The following RPL13 variants were observed in gnomAD, a reference collection of about 807,000 sequenced individuals.
RPL13 encodes large ribosomal subunit protein eL13.
Under a neutral mutation model 21.4 loss-of-function variants are expected in RPL13, and 1 was observed. That is an observed-to-expected ratio of 0.05 (90% CI 0.02 to 0.22). The LOEUF is 0.22. Among genes scored for constraint, RPL13 ranks in the 10% least tolerant of loss-of-function variants. The probability of loss-of-function intolerance (pLI) is 1.00; values close to 1 mark genes in which losing one functional copy is unlikely to be tolerated. For synonymous variants in RPL13, 143 were observed against 120.5 expected (o/e 1.19, Z -1.23); for missense variants, 289 against 303.0 (o/e 0.95, Z 0.34).
In RPL13 at chr16:89,561,289, G is replaced by T; in HGVS notation, c.167G>T (p.Arg56Leu). 2 of 1,568,478 alleles carry T rather than the reference G, an allele frequency of 1.3e-6. No homozygotes were observed. The highest frequency in any genetic ancestry group is 1.8e-5 in the Admixed American group (1 of 54,150). Residue 56 changes from arginine to leucine, a missense_variant, in exon 3 of 6, where the codon CGG becomes CTG. Coordinates refer to ENST00000311528, the MANE Select transcript of RPL13 (RefSeq NM_000977.4). The part of the protein sequence containing the change: ...IAPRPASGPI[R>L]PIVRCPTVRY... ...CCGCGCCCCGCGTCGGGTCCCATCCGGCCCATCGTGCGCTGCCCCACGGTT... is the reference window on the plus strand; with the variant it reads ...CCGCGCCCCGCGTCGGGTCCCATCCTGCCCATCGTGCGCTGCCCCACGGTT...
In RPL13 at chr16:89,562,887, T is replaced by C. The variant is rs752927819; in HGVS notation, c.481T>C (p.Tyr161His). The change falls in exon 6 of 6, where the codon TAT (tyrosine) becomes CAT (histidine). Residue 161 changes from tyrosine to histidine, a missense_variant. Physicochemically the swap from Tyr to His is moderately conservative, Grantham distance 83. Transcript: ENST00000311528. ...ACAACCTGTCTTTCTCTTCTAGGTC[T>C]ATAAGAAGGAGAAAGCTCGAGTCAT... ...TGPVMPVRNV[Y>H]KKEKARVITE... 17 of 1,568,176 alleles carry C rather than the reference T, an allele frequency of 1.1e-5. 1 individual carries two copies. Among genetic ancestry groups the C allele is most frequent in the African/African-American group, 4.2e-5 (3 of 72,036 alleles).
chr16:89,565,404 G>A (rs1416175732), downstream of RPL13: 6 of 152,278 alleles, frequency 3.9e-5, no homozygotes, highest in Non-Finnish European at 8.8e-5. Context: ...GGATAGCTGG[G>A]GGGCTGGGCA....
Position 89,561,660 on chromosome 16 carries a change from T to A in RPL13, c.329T>A (p.Leu110Gln), listed in dbSNP as rs147112593. Residue 110 changes from leucine (L) to glutamine (Q), a missense_variant, in exon 4 of 6, where the codon CTG (leucine) becomes CAG (glutamine). By Grantham distance (113) the Leu-to-Gln change is moderately radical (BLOSUM62 -2). Coordinates refer to ENST00000311528, the MANE Select transcript of RPL13 (RefSeq NM_000977.4). Reference sequence around the variant, plus strand: ...AGGCGGAACAAGTCCACGGAGTCCCTGCAGGCCAACGTGCAGCGGCTGAAG... The same window carrying A: ...AGGCGGAACAAGTCCACGGAGTCCCAGCAGGCCAACGTGCAGCGGCTGAAG... ...PRRRNKSTES[L>Q]QANVQRLKEY... The A allele has an allele frequency of 1.5e-5, 25 of 1,613,794 alleles. No homozygotes were observed. The highest frequency in any genetic ancestry group is 2.0e-5 in the Non-Finnish European group (24 of 1,180,032).
At position 89,564,540 on chromosome 16, in the gene RPL13, T is replaced by C; in HGVS notation, c.*1498T>C. On this transcript the variant is annotated 3_prime_UTR_variant, in exon 6 of 6. Coordinates refer to ENST00000311528, the MANE Select transcript of RPL13 (RefSeq NM_000977.4). ...GAAAATACAAAAATTAGCTGAGTGGTGACACACGCCTGTAATCCCAGCTAC... is the reference window on the plus strand; with the variant it reads ...GAAAATACAAAAATTAGCTGAGTGGCGACACACGCCTGTAATCCCAGCTAC... The C allele has an allele frequency of 6.6e-6, 1 of 152,122 alleles. No homozygotes were observed. Among genetic ancestry groups the C allele is most frequent in the East Asian group, 1.9e-4 (1 of 5,182 alleles). 9.4% of individuals were successfully genotyped at this position (152,122 alleles called of 1,614,324 possible).
chr16:89,561,847 G>A, intron 4 of RPL13, 96 bp downstream of exon 4: 1 of 1,362,584 alleles, frequency 7.3e-7, no homozygotes, highest in South Asian at 1.3e-5. Context: ...GCTGGGGTGA[G>A]AAGAACCAAA....
chr16:89,562,320 C>T lies in RPL13; in HGVS notation c.421-15C>T, dbSNP rs779093335. 14 of 1,613,168 alleles carry T rather than the reference C, an allele frequency of 8.7e-6. No homozygotes were observed. In the East Asian group the frequency reaches 1.3e-4, roughly 15 times the overall value. Reference sequence around the variant, plus strand: ...GTGCGGCCAACCCCACTTAACTCTTCTCATTCACCAACAGGCTGAAGAACT... The same window carrying T: ...GTGCGGCCAACCCCACTTAACTCTTTTCATTCACCAACAGGCTGAAGAACT... On this transcript the variant is annotated splice_polypyrimidine_tract_variant and intron_variant, in intron 4 of 5. Transcript: ENST00000311528.
chr16:89,562,029 G>T, intron 4 of RPL13: 1 of 589,050 alleles, frequency 1.7e-6, no homozygotes, highest in Non-Finnish European at 3.0e-6. Flanking sequence ...GACCTTGTAG[G>T]ATAAGGTTGA....
In RPL13 at chr16:89,560,867, G is replaced by T. The variant is rs982012574; in HGVS notation, c.-20-73G>T. 52 of 1,140,166 alleles carry T rather than the reference G, an allele frequency of 4.6e-5. 1 individual carries two copies. Among genetic ancestry groups the T allele is most frequent in the Non-Finnish European group, 3.5e-5 (28 of 806,272 alleles). The allele number at this position is 1,140,166 out of a possible 1,614,324, so 70.6% of individuals were successfully genotyped here. ...GCGGCCGGACGGCCCAGTCTGGAGG[G>T]TTCGGGGCGGAGGCCCGGGGGGGTG... On this transcript the variant is annotated intron_variant, in intron 1 of 5. Coordinates refer to ENST00000311528, the MANE Select transcript of RPL13 (RefSeq NM_000977.4).
chr16:89,560,886 G>C, intron 1 of RPL13, 54 bp from the exon 2 acceptor site: 1 of 1,371,746 alleles, frequency 7.3e-7, no homozygotes, highest in South Asian at 1.3e-5. Flanking sequence ...GGAGGCCCGG[G>C]GGGGTGCGCG....
At chr16:89,562,828 G>A (rs941523281) in intron 5 of RPL13, 56 bp from the exon 6 acceptor site, 14 of 1,469,564 alleles carry the variant, frequency 9.5e-6, no homozygotes, top group African/African-American at 5.8e-5. Flanking sequence ...CTGACGCTTG[G>A]TTGTTCCCTT....
chr16:89,562,111 AC>A (rs2058749452), intron 4 of RPL13: 1 of 602,900 alleles, frequency 1.7e-6, no homozygotes, highest in Admixed American at 3.4e-5. Flanking sequence ...CCCGTGGTTC[AC>A]AGGTAGATAA....
chr16:89,560,861 T>G (rs947923336), intron 1 of RPL13, 79 bp from the exon 2 acceptor site: 2 of 1,055,398 alleles, frequency 1.9e-6, no homozygotes, highest in East Asian at 2.9e-5. Context: ...CGGCCCAGTC[T>G]GGAGGGTTCG....
At chr16:89,566,285 C>T (rs1211639323), downstream of RPL13, 1 of 151,230 alleles carries the variant, frequency 6.6e-6, no homozygotes, top group East Asian at 1.9e-4. Context: ...TAGTCTCCTG[C>T]CCCGGTGATC....
At chr16:89,566,411 T>A (rs2058791709), downstream of RPL13, 1 of 152,168 alleles carries the variant, frequency 6.6e-6, no homozygotes, top group Admixed American at 6.6e-5. Flanking sequence ...TGCACACAAT[T>A]TTCCTCCATG....
chr16:89,561,186 C>T (rs2058741033), intron 2 of RPL13, 41 bp from the exon 3 acceptor site: 26 of 1,520,660 alleles, frequency 1.7e-5, no homozygotes, highest in Non-Finnish European at 2.1e-5. Flanking sequence ...GGCCTGGCGG[C>T]CTTAGGCAAG....
At position 89,562,726 on chromosome 16, in the gene RPL13, C is replaced by A. The variant is rs1254350967; in HGVS notation, c.478-158C>A. On this transcript the variant is annotated intron_variant, in intron 5 of 5. Coordinates refer to ENST00000311528, the MANE Select transcript of RPL13 (RefSeq NM_000977.4). ...AGGGTTTTTCTTTTTTTTTTTAAAT[C>A]CCAGGGAAGGTGATTGACTCAGGGT... 1.4e-5 allele frequency: 10 copies of A among 695,730 alleles called. No homozygotes were observed. In the East Asian group the frequency reaches 2.2e-4, roughly 16 times the overall value. 43.1% of individuals were successfully genotyped at this position (695,730 alleles called of 1,614,324 possible).
Position 89,561,687 on chromosome 16 carries a change from A to T in RPL13, c.356A>T (p.Glu119Val), listed in dbSNP as rs371877236. 2.5e-6 allele frequency: 4 copies of T among 1,613,884 alleles called. No individual in the cohort carries two copies. In the African/African-American group the frequency reaches 5.3e-5, roughly 22 times the overall value. The change falls in exon 4 of 6, where the codon GAG becomes GTG. Residue 119 changes from glutamate (E) to valine (V), a missense_variant. By Grantham distance (121) the Glu-to-Val change is moderately radical (BLOSUM62 -2). Coordinates refer to ENST00000311528, the MANE Select transcript of RPL13 (RefSeq NM_000977.4). ...CAGGCCAACGTGCAGCGGCTGAAGGAGTACCGCTCCAAACTCATCCTCTTC... is the reference window on the plus strand; with the variant it reads ...CAGGCCAACGTGCAGCGGCTGAAGGTGTACCGCTCCAAACTCATCCTCTTC... ...SLQANVQRLK[E>V]YRSKLILFPR... is the part of the protein sequence containing the mutation.
intron 5 of RPL13, 89 bp downstream of exon 5, chr16:89,562,480 C>A: frequency 7.8e-7 from 1 of 1,289,456 alleles, no homozygotes; most frequent in Non-Finnish European, 1.1e-6. Flanking sequence ...GGGGGTCAGG[C>A]TTAAGAACGT....
At chr16:89,562,625 A>C (rs1412829133) in intron 5 of RPL13, 1 of 583,434 alleles carries the variant, frequency 1.7e-6, no homozygotes, top group Non-Finnish European at 2.9e-6. Context: ...TGTTGGAAAG[A>C]GAGTTTCTCT....
Sources: allele counts gnomAD v4.1 joint callset, GRCh38; gene constraint gnomAD v4.1.1; transcripts MANE v1.5; gene names NCBI Gene and HGNC (gene_info 2026-07-23, HGNC 2026-07-21).